SORL1: variants seen among roughly 807,000 people sequenced by gnomAD.
SORL1 encodes the protein sortilin-related receptor.
SORL1 carries 127 observed loss-of-function variants against 273.7 expected under a neutral mutation model. The observed-to-expected ratio is 0.46, with a 90% CI of 0.40 to 0.54. The LOEUF is 0.54. SORL1 is among the 20% of genes least tolerant of loss of function. The pLI is 0.00. For missense variants in SORL1, 2,494 were observed against 2,846.1 expected (o/e 0.88, Z 2.81); for synonymous variants, 1,031 against 1,067.4 (o/e 0.97, Z 0.66).
At chr11:121,530,311 G>A (rs1334175155) in intron 11 of SORL1, among the ~76,000 whole-genome samples, 2 of 152,134 alleles carry the variant, frequency 1.3e-5, no homozygotes, top group Non-Finnish European at 2.9e-5. Flanking sequence ...AATTCCTATA[G>A]CATTTCCTGT....
In SORL1 at chr11:121,627,781, G is replaced by A. The variant is rs745562731; in HGVS notation, c.6577+14G>A. On this transcript the variant is annotated intron_variant, in intron 47 of 47. Transcript: ENST00000260197. This position sits in a 1 kb window ranked among gnomAD's most constrained non-coding sequence, Gnocchi z 4.9. ...GGGATGACCTGGGTAAGTGGGGCAG[G>A]GAGAGTCGGTTCTTCCTCCCAGGGC... 18 of 1,601,528 alleles carry A rather than the reference G, an allele frequency of 1.1e-5. No homozygotes were observed. Among genetic ancestry groups the A allele is most frequent in the East Asian group, 2.2e-5 (1 of 44,794 alleles).
rs184053692 is a variant in SORL1, at chr11:121,498,273, A to G, written c.939+1224A>G. Among the ~76,000 whole-genome samples, 157 of 152,246 alleles carry G rather than the reference A, an allele frequency of 1.0e-3. 1 individual carries two copies. The highest frequency in any genetic ancestry group is 2.8e-3 in the Admixed American group (43 of 15,296). On this transcript the variant is annotated intron_variant, in intron 6 of 47. Coordinates refer to ENST00000260197, the MANE Select transcript of SORL1 (RefSeq NM_003105.6). ...CATCCTCGAATGGCTTTGGGCAGGG[A>G]TGGGGTGATGGGAACACACAGATAA...
intron 24 of SORL1, among the ~76,000 whole-genome samples, chr11:121,574,745 A>G (rs1023693593): frequency 6.6e-6 from 1 of 152,184 alleles, no homozygotes; most frequent in East Asian, 1.9e-4. Context: ...CTCTTAGATT[A>G]GCCTTTGTTT....
chr11:121,457,359 T>C (rs1860923628), intron 1 of SORL1, among the ~76,000 whole-genome samples: 1 of 152,242 alleles, frequency 6.6e-6, no homozygotes. Flanking sequence ...TTCCCTCTCA[T>C]GCCCCCTGTT....
rs1384779096 is a variant in SORL1, at chr11:121,631,228, A to G, written c.*1665A>G. On this transcript the variant is annotated 3_prime_UTR_variant, in exon 48 of 48. Transcript: ENST00000260197. ...TTTTTAGTTTTTGAAATTTTTATTT[A>G]TATGTATACTTAGATGAGTATTTTA... 6.6e-6 allele frequency: 1 copy of G among 152,232 alleles called. No homozygotes were observed. The highest frequency in any genetic ancestry group is 1.5e-5 in the Non-Finnish European group (1 of 68,030). The allele number at this position is 152,232 out of a possible 1,614,324, so 9.4% of individuals were successfully genotyped here. A position where few individuals can be genotyped will look rare whatever the true frequency, so the allele number is the denominator to read the frequency against.
At chr11:121,606,699 T>C (rs1863478609) in intron 35 of SORL1, 146 bp from the exon 36 acceptor site, 1 of 628,898 alleles carries the variant, frequency 1.6e-6, no homozygotes. Flanking sequence ...GTCTTTTCAA[T>C]GTGACGACCA....
intron 11 of SORL1, among the ~76,000 whole-genome samples, chr11:121,531,070 TC>T (rs1009767708): frequency 6.6e-5 from 10 of 152,236 alleles, no homozygotes; most frequent in Non-Finnish European, 1.2e-4. Flanking sequence ...TATTTTTCTT[TC>T]CCTCATGGGA....
At chr11:121,581,325 A>G (rs1792127) in intron 25 of SORL1, among the ~76,000 whole-genome samples, 149,925 of 152,340 alleles carry the variant, frequency 0.98, 73,843 homozygotes, top group Middle Eastern at 1. Flanking sequence ...TTAATCAGGC[A>G]TTCCAGCAGG....
At chr11:121,556,523 G>A (rs760719770) in intron 18 of SORL1, among the ~76,000 whole-genome samples, 27 of 152,276 alleles carry the variant, frequency 1.8e-4, no homozygotes, top group Admixed American at 3.3e-4. Flanking sequence ...CTTTAATTGC[G>A]TGTGGTCAGC....
rs995043045 is a variant in SORL1, at chr11:121,533,245, T to TG, written c.1685+699dup. Among the ~76,000 whole-genome samples the TG allele has an allele frequency of 1.2e-4, 19 of 152,106 alleles. No individual in the cohort carries two copies. The East Asian group carries it at 1.9e-3, about 15-fold the overall frequency. ...ATTGACTTTTGGTGCGTTAGGTTGGTGGGGGGTCTCATGGAGCTGGAAGGG... is the reference window on the plus strand; with the variant it reads ...ATTGACTTTTGGTGCGTTAGGTTGGTGGGGGGGTCTCATGGAGCTGGAAGGG... On this transcript the variant is annotated intron_variant, in intron 12 of 47. Transcript: ENST00000260197.
chr11:121,571,472 T>C (rs758718157), intron 23 of SORL1, among the ~76,000 whole-genome samples: 17 of 152,236 alleles, frequency 1.1e-4, no homozygotes, highest in Admixed American at 2.0e-4. Flanking sequence ...GGATAAGTAG[T>C]GGGCAGAATG....
chr11:121,605,358 A>G (rs1051880106), intron 34 of SORL1, 44 bp from the exon 35 acceptor site: 37 of 1,591,502 alleles, frequency 2.3e-5, no homozygotes, highest in Admixed American at 3.4e-5. Context: ...TCAGCCCCCC[A>G]TGCTGCTCCA....
At position 121,586,253 on chromosome 11, in the gene SORL1, C is replaced by G. The variant is rs1699102; in HGVS notation, c.3738C>G (p.Asn1246Lys). The G allele has an allele frequency of 6.8e-5, 109 of 1,613,554 alleles. No individual in the cohort carries two copies. Among genetic ancestry groups the G allele is most frequent in the Non-Finnish European group, 8.7e-5 (103 of 1,179,734 alleles). The part of the protein sequence containing the change: ...EKKCNGFRCP[N>K]GTCIPSSKHC... ...AGTGCAATGGATTCCGCTGCCCAAA[C>G]GGCACTTGCATCCCATCCAGCAAAC... The change falls in exon 27 of 48, where the codon AAC (asparagine) becomes AAG (lysine). Residue 1246 changes from asparagine (N) to lysine (K), a missense_variant. By Grantham distance (94) the Asn-to-Lys change is moderately conservative. Coordinates refer to ENST00000260197, the MANE Select transcript of SORL1 (RefSeq NM_003105.6).
intron 1 of SORL1, among the ~76,000 whole-genome samples, chr11:121,467,032 T>TTC (rs1344099597): frequency 2.6e-4 from 37 of 143,300 alleles, no homozygotes; most frequent in African/African-American, 9.4e-4. Flanking sequence ...CTTTTTTTCT[T>TTC]TTTTTTTTTT....
chr11:121,573,483 G>A (rs1218391080), intron 23 of SORL1, among the ~76,000 whole-genome samples: 1 of 152,088 alleles, frequency 6.6e-6, no homozygotes, highest in Non-Finnish European at 1.5e-5. Context: ...CTGGTGGTGG[G>A]TGCCTGTAAT....
chr11:121,570,126 A>G (rs1379774700), intron 22 of SORL1, 31 bp from the exon 23 acceptor site: 2 of 1,476,212 alleles, frequency 1.4e-6, no homozygotes, highest in South Asian at 2.3e-5. Flanking sequence ...TATTGGTTTC[A>G]TTTCCTCCCC....
At position 121,452,485 on chromosome 11, in the gene SORL1, C is replaced by A; in HGVS notation, c.154C>A (p.Gln52Lys). 6.7e-7 allele frequency: 1 copy of A among 1,490,784 alleles called. No individual in the cohort carries two copies. The highest frequency in any genetic ancestry group is 1.3e-5 in the South Asian group (1 of 78,872). The allele number at this position is 1,490,784 out of a possible 1,614,324, so 92.3% of individuals were successfully genotyped here. A position where few individuals can be genotyped will look rare whatever the true frequency, so the allele number is the denominator to read the frequency against. Residue 52 changes from glutamine (Q) to lysine (K), a missense_variant, in exon 1 of 48, where the codon CAG becomes AAG. Transcript: ENST00000260197. This position sits in a 1 kb window ranked among gnomAD's most constrained non-coding sequence, Gnocchi z 5.3. Reference protein sequence around the residue: ...LPQDRGFLVVQGDPRELRLWA... With the variant: ...LPQDRGFLVVKGDPRELRLWA... ...CCAGGACCGGGGCTTCCTCGTGGTG[C>A]AGGGCGACCCGCGCGAGCTGCGGCT...
intron 39 of SORL1, chr11:121,612,140 A>AAACAAAAG (rs1863573722): frequency 1.3e-5 from 2 of 152,536 alleles, no homozygotes; most frequent in Admixed American, 1.3e-4. Context: ...ACTCTGTCTC[A>AAACAAAAG]AAAAAAAGAA....
chr11:121,573,966 G>A (rs903917573), intron 23 of SORL1, among the ~76,000 whole-genome samples: 1 of 152,224 alleles, frequency 6.6e-6, no homozygotes, highest in Admixed American at 6.5e-5. Context: ...CACCTAGCCT[G>A]TCACTCTCTC....
Sources: allele counts gnomAD v4.1 joint callset (sites outside exome capture counted in the v4.1 genomes callset), GRCh38; gene constraint gnomAD v4.1.1; non-coding constraint Gnocchi (gnomAD v3.1); transcripts MANE v1.5; gene names NCBI Gene and HGNC (gene_info 2026-07-23, HGNC 2026-07-21).